The following KAZN variants were observed in gnomAD, a reference collection of about 807,000 sequenced individuals.
The protein encoded by KAZN is kazrin, periplakin interacting protein, also known as kazrin.
A neutral mutation model predicts 87.4 loss-of-function variants in KAZN; 40 were observed. The observed-to-expected ratio is 0.46, with a 90% CI of 0.36 to 0.60. KAZN has a LOEUF of 0.60. Ranked by LOEUF, KAZN falls within the 20% of genes least tolerant of loss-of-function variation. KAZN has a pLI of 0.00. For synonymous variants in KAZN, 466 were observed against 458.3 expected, an observed-to-expected ratio of 1.02 and a Z score of -0.22; for missense variants, 898 against 1,073.9, an observed-to-expected ratio of 0.84 and a Z score of 2.29.
intron 4 of KAZN, among the ~76,000 whole-genome samples, chr1:15,047,492 C>T (rs527266282): frequency 3.5e-4 from 54 of 152,260 alleles, no homozygotes; most frequent in African/African-American, 6.5e-4. Context: ...AGCTGCAGGC[C>T]GGGCGTGGTG....
intron 2 of KAZN, among the ~76,000 whole-genome samples, chr1:14,591,111 T>G (rs775670315): frequency 5.9e-5 from 9 of 152,052 alleles, no homozygotes; most frequent in Non-Finnish European, 1.2e-4. Context: ...CCCTATCCTC[T>G]TTAGCTTTGT....
intron 2 of KAZN, among the ~76,000 whole-genome samples, chr1:14,425,393 G>T (rs1665664220): frequency 6.6e-6 from 1 of 152,290 alleles, no homozygotes; most frequent in South Asian, 2.1e-4. Context: ...CAAGAAGAAG[G>T]TTCATTGTGA....
At chr1:13,951,289 G>A (rs1215057936) in intron 1 of KAZN, among the ~76,000 whole-genome samples, 1 of 152,080 alleles carries the variant, frequency 6.6e-6, no homozygotes, top group Non-Finnish European at 1.5e-5. Flanking sequence ...TCAAATCCTG[G>A]ATCTGGATCT....
At chr1:14,941,672 G>T (rs1251373065) in intron 1 of KAZN, among the ~76,000 whole-genome samples, 1 of 152,182 alleles carries the variant, frequency 6.6e-6, no homozygotes, top group Non-Finnish European at 1.5e-5. Context: ...TTTCTCCAGA[G>T]ATCAGGAGCA....
intron 1 of KAZN, among the ~76,000 whole-genome samples, chr1:14,611,312 T>C (rs1283370916): frequency 6.6e-6 from 1 of 152,180 alleles, no homozygotes; most frequent in African/African-American, 2.4e-5. Context: ...ATAGAAATAA[T>C]AGACCTTGGA....
intron 1 of KAZN, among the ~76,000 whole-genome samples, chr1:13,962,296 G>A (rs886136930): frequency 5.9e-5 from 9 of 152,072 alleles, no homozygotes; most frequent in African/African-American, 2.2e-4. Context: ...GTTGGGGGAG[G>A]TGACTCTCAC....
chr1:14,342,811 C>T (rs1657831560), intron 2 of KAZN, among the ~76,000 whole-genome samples: 1 of 152,148 alleles, frequency 6.6e-6, no homozygotes, highest in Admixed American at 6.5e-5. Flanking sequence ...TTGTCCTTAT[C>T]GGATGAGGTT....
At chr1:14,998,149 CG>C (rs958747140) in intron 2 of KAZN, among the ~76,000 whole-genome samples, 4 of 148,360 alleles carry the variant, frequency 2.7e-5, no homozygotes, top group Admixed American at 2.0e-4. Flanking sequence ...GCACAGACGG[CG>C]GGGGGGAGGG....
chr1:14,914,301 C>G (rs923900509), intron 1 of KAZN, among the ~76,000 whole-genome samples: 13 of 152,202 alleles, frequency 8.5e-5, no homozygotes, highest in African/African-American at 3.1e-4. Flanking sequence ...GCTGTACCCC[C>G]CTGGGCAAGT....
chr1:14,753,322 A>C (rs1280620550), intron 1 of KAZN, among the ~76,000 whole-genome samples: 1 of 152,306 alleles, frequency 6.6e-6, no homozygotes, highest in South Asian at 2.1e-4. Flanking sequence ...ATGAGGAGAA[A>C]CTAGGTTTAC....
At position 14,928,321 on chromosome 1, in the gene KAZN, C is replaced by T. The variant is rs554265817; in HGVS notation, c.227-32363C>T. Among the ~76,000 whole-genome samples the T allele has an allele frequency of 4.2e-3, 645 of 152,140 alleles. 6 individuals carry two copies. Among genetic ancestry groups the T allele is most frequent in the Non-Finnish European group, 6.8e-3 (463 of 67,994 alleles). ...AAAATTAGCCGGGCGTGTTGGCGGG[C>T]GCCTGTAGTCCCAGCTACTTGGGAG... On this transcript the variant is annotated intron_variant, in intron 1 of 14. Transcript: ENST00000376030.
At chr1:14,725,070 A>G (rs1357646911) in intron 1 of KAZN, among the ~76,000 whole-genome samples, 1 of 152,206 alleles carries the variant, frequency 6.6e-6, no homozygotes, top group Non-Finnish European at 1.5e-5. Context: ...CTTGTAATTT[A>G]CCAGAGGAAA....
intron 1 of KAZN, among the ~76,000 whole-genome samples, chr1:14,886,250 C>T (rs1055736032): frequency 2.0e-5 from 3 of 151,768 alleles, no homozygotes; most frequent in Non-Finnish European, 4.4e-5. Context: ...AGCCATACCA[C>T]ATCACTACAA....
intron 1 of KAZN, among the ~76,000 whole-genome samples, chr1:14,133,223 T>C (rs1645028197): frequency 1.3e-5 from 2 of 151,784 alleles, no homozygotes; most frequent in Non-Finnish European, 2.9e-5. Flanking sequence ...AAAAATTAGC[T>C]GGGCATGGTG....
In KAZN at chr1:14,856,756, C is replaced by G. The variant is rs1650160956; in HGVS notation, c.227-103928C>G. ...AAGGACAATGGCCATTATGTCCATT[C>G]TTCCAGGATAAAGATGAGCATATGT... On this transcript the variant is annotated intron_variant, in intron 1 of 14. Coordinates refer to ENST00000376030, the MANE Select transcript of KAZN (RefSeq NM_201628.3). This position sits in a 1 kb window ranked among gnomAD's most constrained non-coding sequence, Gnocchi z 5.2. 6.6e-6 allele frequency among the ~76,000 whole-genome samples: 1 copy of G among 152,178 alleles called. No homozygotes were observed. The highest frequency in any genetic ancestry group is 6.5e-5 in the Admixed American group (1 of 15,274).
At chr1:15,012,954 C>T (rs1433531531) in intron 2 of KAZN, among the ~76,000 whole-genome samples, 1 of 152,178 alleles carries the variant, frequency 6.6e-6, no homozygotes, top group Non-Finnish European at 1.5e-5. Flanking sequence ...GTCAAGCTCA[C>T]TCCCTCCCAA....
At position 15,021,042 on chromosome 1, in the gene KAZN, T is replaced by A. The variant is rs1670617930; in HGVS notation, c.419-13707T>A. Among the ~76,000 whole-genome samples, 2 of 152,170 alleles carry A rather than the reference T, an allele frequency of 1.3e-5. No homozygotes were observed. The highest frequency in any genetic ancestry group is 4.2e-4 in the South Asian group (2 of 4,800). On this transcript the variant is annotated intron_variant, in intron 2 of 14. Coordinates refer to ENST00000376030, the MANE Select transcript of KAZN (RefSeq NM_201628.3). This position sits in a 1 kb window ranked among gnomAD's most constrained non-coding sequence, Gnocchi z 4.2. ...TGTTACGCAGCAGGGGTGAGACCAG[T>A]CCATATCACTAGGCACCCAGGGCAG...
At chr1:14,587,793 C>T (rs534868059) in intron 2 of KAZN, among the ~76,000 whole-genome samples, 4 of 152,262 alleles carry the variant, frequency 2.6e-5, no homozygotes, top group South Asian at 4.1e-4. Context: ...GATTTCATTT[C>T]GACATGAGAT....
chr1:14,772,263 G>A (rs1210681278), intron 1 of KAZN, among the ~76,000 whole-genome samples: 6 of 152,008 alleles, frequency 3.9e-5, no homozygotes, highest in South Asian at 2.1e-4. Flanking sequence ...CAGGAGGATC[G>A]CTTGAGCCCA....
Sources: allele counts gnomAD v4.1 joint callset (sites outside exome capture counted in the v4.1 genomes callset), GRCh38; gene constraint gnomAD v4.1.1; non-coding constraint Gnocchi (gnomAD v3.1); transcripts MANE v1.5; gene names NCBI Gene and HGNC (gene_info 2026-07-23, HGNC 2026-07-21).